LARP1B: variants seen among roughly 807,000 people sequenced by gnomAD.
LARP1B encodes the protein la-related protein 1B.
LARP1B carries 76 observed loss-of-function variants against 114.2 expected under a neutral mutation model. The ratio of observed to expected loss-of-function variants is 0.67; its 90% CI spans 0.55 to 0.81. LARP1B has a LOEUF of 0.81. LARP1B is among the 30% of genes least tolerant of loss of function. The pLI is 0.00. For synonymous variants in LARP1B, 345 were observed against 348.0 expected, an observed-to-expected ratio of 0.99 and a Z score of 0.10; for missense variants, 1,014 against 1,075.8, an observed-to-expected ratio of 0.94 and a Z score of 0.80.
intron 12 of LARP1B, among the ~76,000 whole-genome samples, chr4:128,174,628 G>A (rs1745143662): frequency 6.6e-6 from 1 of 151,990 alleles, no homozygotes; most frequent in Admixed American, 6.6e-5. Context: ...TAACAGTAGG[G>A]AGAATTGTTT....
Position 128,121,941 on chromosome 4 carries a change from A to G in LARP1B, c.1277A>G (p.Asn426Ser). Residue 426 changes from asparagine to serine, a missense_variant, in exon 11 of 20, where the codon AAC becomes AGC. Asn to Ser is a conservative substitution (Grantham distance 46). Transcript: ENST00000326639. The part of the protein sequence containing the change: ...DEEIEQIGRK[N>S]TFTDWSDNDS... ...GAGATTGAACAAATAGGACGAAAAAACACATTTACTGATTGGTCTGATAAT... is the reference window on the plus strand; with the variant it reads ...GAGATTGAACAAATAGGACGAAAAAGCACATTTACTGATTGGTCTGATAAT... 1.2e-6 allele frequency: 2 copies of G among 1,612,880 alleles called. No homozygotes were observed. Among genetic ancestry groups the G allele is most frequent in the Non-Finnish European group, 1.7e-6 (2 of 1,179,958 alleles).
At chr4:128,179,136 G>A (rs565050311) in intron 14 of LARP1B, among the ~76,000 whole-genome samples, 1 of 152,280 alleles carries the variant, frequency 6.6e-6, no homozygotes, top group Admixed American at 6.5e-5. Flanking sequence ...ATTGGATAGT[G>A]TAATTAAAGA....
intron 10 of LARP1B, among the ~76,000 whole-genome samples, chr4:128,118,965 C>T (rs948872074): frequency 6.6e-6 from 1 of 151,072 alleles, no homozygotes; most frequent in African/African-American, 2.4e-5. Context: ...ACTGTAACCT[C>T]CGCCTCCCAG....
At chr4:128,186,764 T>C (rs1473265417) in intron 15 of LARP1B, among the ~76,000 whole-genome samples, 3 of 152,220 alleles carry the variant, frequency 2.0e-5, no homozygotes, top group African/African-American at 4.8e-5. Context: ...AAACACCTTG[T>C]AGGCATTTTA....
In LARP1B at chr4:128,200,530, G is replaced by A. The variant is rs760679370; in HGVS notation, c.2174G>A (p.Arg725His). Residue 725 changes from arginine (R) to histidine (H), a missense_variant, in exon 17 of 20, where the codon CGC (arginine) becomes CAC (histidine). Coordinates refer to ENST00000326639, the MANE Select transcript of LARP1B (RefSeq NM_018078.4). Reference protein sequence around the residue: ...YRRRCLSERKRLGIGQSQEMN... With the variant: ...YRRRCLSERKHLGIGQSQEMN... Reference sequence around the variant, plus strand: ...ATTTAACTTTTTTCAGAGAGAAAACGCTTGGGAATTGGTCAGTCCCAAGAA... The same window carrying A: ...ATTTAACTTTTTTCAGAGAGAAAACACTTGGGAATTGGTCAGTCCCAAGAA... The A allele has an allele frequency of 2.7e-6, 4 of 1,472,134 alleles. No homozygotes were observed. Among genetic ancestry groups the A allele is most frequent in the South Asian group, 3.0e-5 (2 of 67,212 alleles). The allele number at this position is 1,472,134 out of a possible 1,614,324, so 91.2% of individuals were successfully genotyped here.
At chr4:128,162,140 T>A in intron 11 of LARP1B, 54 bp from the exon 12 acceptor site, 1 of 1,562,898 alleles carries the variant, frequency 6.4e-7, no homozygotes, top group Non-Finnish European at 8.7e-7. Context: ...AATTATTGTC[T>A]GTTGGTTACT....
At chr4:128,104,688 C>T (rs946443081) in intron 8 of LARP1B, among the ~76,000 whole-genome samples, 5 of 151,436 alleles carry the variant, frequency 3.3e-5, no homozygotes, top group Non-Finnish European at 7.4e-5. Flanking sequence ...TCAGGTGATC[C>T]ACTCACCTCG....
intron 12 of LARP1B, among the ~76,000 whole-genome samples, chr4:128,174,886 A>G (rs1745254294): frequency 6.6e-6 from 1 of 152,132 alleles, no homozygotes; most frequent in African/African-American, 2.4e-5. Flanking sequence ...AATTTGTAAT[A>G]TCATCTACTA....
chr4:128,118,218 G>A (rs1334271472), intron 10 of LARP1B, among the ~76,000 whole-genome samples: 1 of 137,968 alleles, frequency 7.2e-6, no homozygotes, highest in Non-Finnish European at 1.5e-5. Flanking sequence ...GAGCCACCTT[G>A]CCCAGTCAGG....
At chr4:128,119,409 A>T (rs1580662928) in intron 10 of LARP1B, among the ~76,000 whole-genome samples, 1 of 152,190 alleles carries the variant, frequency 6.6e-6, no homozygotes, top group Non-Finnish European at 1.5e-5. Flanking sequence ...GATGTGTTCA[A>T]CTTCTGTTCA....
intron 7 of LARP1B, among the ~76,000 whole-genome samples, chr4:128,097,446 T>G (rs894480165): frequency 6.6e-6 from 1 of 152,140 alleles, no homozygotes; most frequent in Non-Finnish European, 1.5e-5. Flanking sequence ...TAGCTGGGAT[T>G]ACAGGCATGC....
chr4:128,062,051 G>C (rs1246820749), intron 1 of LARP1B: 3 of 985,282 alleles, frequency 3.0e-6, no homozygotes, highest in South Asian at 9.4e-5. Flanking sequence ...GTTGCTGCGG[G>C]ATCCGCCGGC....
In LARP1B at chr4:128,210,638, A is replaced by G. The variant is rs1166022151; in HGVS notation, c.*585A>G. 2 of 952,038 alleles carry G rather than the reference A, an allele frequency of 2.1e-6. No homozygotes were observed. Among genetic ancestry groups the G allele is most frequent in the Non-Finnish European group, 2.5e-6 (2 of 799,536 alleles). The allele number at this position is 952,038 out of a possible 1,614,324, so 59.0% of individuals were successfully genotyped here. The stretch of plus-strand genomic sequence containing the variant: ...TTTAAAGAAAACTTTTTTTAAAACA[A>G]AAGTAGGAATATATAGTAAGATTGT... On this transcript the variant is annotated 3_prime_UTR_variant, in exon 20 of 20. Coordinates refer to ENST00000326639, the MANE Select transcript of LARP1B (RefSeq NM_018078.4).
Position 128,098,747 on chromosome 4 carries a change from G to GTGTATATATATATATA in LARP1B, c.813+418_813+419insGTATATATATATATAT. Among the ~76,000 whole-genome samples the GTGTATATATATATATA allele has an allele frequency of 2.7e-3, 42 of 15,582 alleles. 4 individuals carry two copies. The highest frequency in any genetic ancestry group is 7.5e-3 in the African/African-American group (39 of 5,168). 10.2% of individuals were successfully genotyped at this position (15,582 alleles called of 152,430 possible). A position where few individuals can be genotyped will look rare whatever the true frequency, so the allele number is the denominator to read the frequency against. On this transcript the variant is annotated intron_variant, in intron 8 of 19. Coordinates refer to ENST00000326639, the MANE Select transcript of LARP1B (RefSeq NM_018078.4). The stretch of plus-strand genomic sequence containing the variant: ...AGCATGTGTTCCTGTATATGTATGT[G>GTGTATATATATATATA]TATATATATATATATATATATTTTT...
intron 15 of LARP1B, among the ~76,000 whole-genome samples, chr4:128,195,819 C>G (rs377294002): frequency 6.6e-6 from 1 of 152,110 alleles, no homozygotes; most frequent in Non-Finnish European, 1.5e-5. Flanking sequence ...AAAGTTGATT[C>G]TTTGAAGAGA....
chr4:128,090,326 G>A (rs1775443313), intron 5 of LARP1B, among the ~76,000 whole-genome samples: 1 of 152,162 alleles, frequency 6.6e-6, no homozygotes, highest in Non-Finnish European at 1.5e-5. Context: ...GCCCCCCTTG[G>A]CCTCCCAAAG....
chr4:128,170,558 G>A (rs1743104554), intron 12 of LARP1B, among the ~76,000 whole-genome samples: 1 of 152,044 alleles, frequency 6.6e-6, no homozygotes, highest in South Asian at 2.1e-4. Context: ...TGTCATCTTG[G>A]TGAATTGGCC....
chr4:128,114,733 G>A lies in LARP1B; in HGVS notation c.1152G>A (p.Val384=). The A allele has an allele frequency of 6.2e-7, 1 of 1,614,030 alleles. No individual in the cohort carries two copies. ...EVKKRHQPAP[V]KLRESVSVPE... ...AAAAAAGACATCAGCCAGCCCCAGT[G>A]AAATTGAGGGTAAGTTGTTACAGAC... Residue 384 remains valine, a synonymous_variant, in exon 10 of 20, where the codon GTG becomes GTA. Coordinates refer to ENST00000326639, the MANE Select transcript of LARP1B (RefSeq NM_018078.4).
intron 4 of LARP1B, among the ~76,000 whole-genome samples, chr4:128,080,444 A>G (rs1769883596): frequency 1.3e-5 from 2 of 151,868 alleles, no homozygotes; most frequent in African/African-American, 2.4e-5. Flanking sequence ...TCGTTGACAT[A>G]ATTTATAGTA....
Sources: allele counts gnomAD v4.1 joint callset (sites outside exome capture counted in the v4.1 genomes callset), GRCh38; gene constraint gnomAD v4.1.1; transcripts MANE v1.5; gene names NCBI Gene and HGNC (gene_info 2026-07-23, HGNC 2026-07-21).